The following MTUS1 variants were observed in gnomAD, a reference collection of about 807,000 sequenced individuals.
MTUS1 encodes the protein microtubule-associated tumor suppressor 1.
MTUS1 carries 109 observed loss-of-function variants against 120.8 expected under a neutral mutation model. The ratio of observed to expected loss-of-function variants is 0.90; its 90% CI spans 0.77 to 1.06. The LOEUF is 1.06. MTUS1 is among the 50% of genes least tolerant of loss of function. The pLI is 0.00. For missense variants in MTUS1, 2,210 were observed against 1,486.3 expected, an observed-to-expected ratio of 1.49 and a Z score of -8.01; for synonymous variants, 737 against 550.5, an observed-to-expected ratio of 1.34 and a Z score of -4.74.
chr8:17,753,817 G>C lies in MTUS1; in HGVS notation c.1991C>G (p.Pro664Arg). ...TYVPNIDRIS[P>R]EKKGEKENGT... ...ATTTTCTTTTTCACCCTTCTTTTCA[G>C]GGCTAATCCTATCAATGTTGGGAAC... The change falls in exon 2 of 15, where the codon CCT becomes CGT. Residue 664 changes from proline (P) to arginine (R), a missense_variant. Coordinates refer to ENST00000693296, the MANE Select transcript of MTUS1 (RefSeq NM_001363059.2). 1 of 1,613,908 alleles carries C rather than the reference G, an allele frequency of 6.2e-7. No homozygotes were observed. The highest frequency in any genetic ancestry group is 8.5e-7 in the Non-Finnish European group (1 of 1,179,962).
Position 17,743,640 on chromosome 8 carries a change from C to A in MTUS1, c.2251G>T (p.Val751Leu). ...DNRNPSADRA[V>L]SPQRIRRVSS... ...ACACGCCTGATCCTCTGAGGAGATACGGCTCGATCAGCACTGGGATTTCTA... is the reference window on the plus strand; with the variant it reads ...ACACGCCTGATCCTCTGAGGAGATAAGGCTCGATCAGCACTGGGATTTCTA... Residue 751 changes from valine (V) to leucine (L), a missense_variant, in exon 3 of 15, where the codon GTA (valine) becomes TTA (leucine). Coordinates refer to ENST00000693296, the MANE Select transcript of MTUS1 (RefSeq NM_001363059.2). The A allele has an allele frequency of 5.0e-6, 8 of 1,614,052 alleles. No individual in the cohort carries two copies. The highest frequency in any genetic ancestry group is 6.8e-6 in the Non-Finnish European group (8 of 1,180,002).
At chr8:17,696,181 C>T (rs1817908551) in intron 6 of MTUS1, among the ~76,000 whole-genome samples, 1 of 152,094 alleles carries the variant, frequency 6.6e-6, no homozygotes, top group Non-Finnish European at 1.5e-5. Flanking sequence ...CCCCCATTTA[C>T]CGTCAGCTCA....
intron 6 of MTUS1, among the ~76,000 whole-genome samples, chr8:17,698,870 A>T (rs939558911): frequency 2.8e-4 from 42 of 152,176 alleles, no homozygotes; most frequent in African/African-American, 1.0e-3. Flanking sequence ...CATACATTGC[A>T]CCACAGCAAC....
At chr8:17,782,800 G>A (rs962962587) in intron 1 of MTUS1, among the ~76,000 whole-genome samples, 6 of 152,212 alleles carry the variant, frequency 3.9e-5, no homozygotes, top group African/African-American at 1.4e-4. Context: ...AAACCTGGCC[G>A]GGCATGGTAG....
chr8:17,796,193 C>G (rs117864598), intron 1 of MTUS1, among the ~76,000 whole-genome samples: 4 of 4,610 alleles, frequency 8.7e-4, no homozygotes, highest in Non-Finnish European at 2.0e-3. Flanking sequence ...TGAAGTGATC[C>G]GCTTGGCTTG....
chr8:17,679,310 A>G (rs1006258065), intron 7 of MTUS1, among the ~76,000 whole-genome samples: 8 of 116,478 alleles, frequency 6.9e-5, no homozygotes, highest in African/African-American at 2.0e-4. Flanking sequence ...TATGTATACA[A>G]TGTGTATCTG....
intron 7 of MTUS1, among the ~76,000 whole-genome samples, chr8:17,678,397 A>C (rs750246622): frequency 5.3e-5 from 8 of 151,718 alleles, no homozygotes; most frequent in Non-Finnish European, 1.0e-4. Context: ...GGATATAAAG[A>C]TGCCTTTATG....
At chr8:17,714,778 T>G (rs1222113007) in intron 5 of MTUS1, among the ~76,000 whole-genome samples, 1 of 152,168 alleles carries the variant, frequency 6.6e-6, no homozygotes, top group African/African-American at 2.4e-5. Context: ...TCTTTGTTTC[T>G]GTGTTTTCCA....
chr8:17,702,725 A>G (rs371997), intron 6 of MTUS1, among the ~76,000 whole-genome samples: 90,151 of 152,022 alleles, frequency 0.59, 26,882 homozygotes, highest in Middle Eastern at 0.66. Context: ...TAAAGGCTGC[A>G]TAATACTCCA....
intron 1 of MTUS1, among the ~76,000 whole-genome samples, chr8:17,794,681 T>G (rs753549021): frequency 2.0e-5 from 3 of 152,222 alleles, no homozygotes; most frequent in Non-Finnish European, 2.9e-5. Flanking sequence ...ATTCTGTAAT[T>G]TGATTAACAA....
intron 6 of MTUS1, among the ~76,000 whole-genome samples, chr8:17,686,125 T>C (rs1200760984): frequency 2.0e-5 from 3 of 152,206 alleles, no homozygotes; most frequent in South Asian, 4.1e-4. Context: ...TTTCTTTTCA[T>C]CCTCCCAATA....
chr8:17,749,114 T>TAATTATACTCTCCGAAGGG (rs1049772021), intron 2 of MTUS1, among the ~76,000 whole-genome samples: 3 of 152,088 alleles, frequency 2.0e-5, no homozygotes, highest in African/African-American at 7.2e-5. Flanking sequence ...GAGTCAGACA[T>TAATTATACTCTCCGAAGGG]AATTATACTC....
intron 6 of MTUS1, among the ~76,000 whole-genome samples, chr8:17,712,438 G>T (rs1273890945): frequency 6.6e-6 from 1 of 151,984 alleles, no homozygotes; most frequent in Non-Finnish European, 1.5e-5. Context: ...CCAGGTTCAA[G>T]CAATTATCCT....
intron 6 of MTUS1, among the ~76,000 whole-genome samples, chr8:17,699,163 G>C (rs1017205771): frequency 6.6e-6 from 1 of 152,050 alleles, no homozygotes; most frequent in Non-Finnish European, 1.5e-5. Context: ...CTTTCTTTTG[G>C]TTGTGTTTGT....
At chr8:17,658,209 G>C (rs749769307) in intron 8 of MTUS1, among the ~76,000 whole-genome samples, 2 of 152,016 alleles carry the variant, frequency 1.3e-5, no homozygotes, top group Non-Finnish European at 2.9e-5. Flanking sequence ...GCTAATTTTT[G>C]TATTTTAGTA....
intron 8 of MTUS1, 167 bp downstream of exon 8, chr8:17,675,019 C>T: frequency 7.0e-7 from 1 of 1,419,182 alleles, no homozygotes; most frequent in Non-Finnish European, 9.2e-7. Flanking sequence ...GGTCAAGCTG[C>T]CAAGATTCAA....
At chr8:17,675,808 A>AT (rs1812989768) in intron 7 of MTUS1, among the ~76,000 whole-genome samples, 1 of 152,150 alleles carries the variant, frequency 6.6e-6, no homozygotes, top group South Asian at 2.1e-4. Flanking sequence ...GCTACATACC[A>AT]TTTTCTAAGG....
intron 5 of MTUS1, among the ~76,000 whole-genome samples, 167 bp from the exon 6 acceptor site, chr8:17,713,419 A>AAAT (rs1427581677): frequency 6.6e-6 from 1 of 152,214 alleles, no homozygotes; most frequent in Admixed American, 6.5e-5. Context: ...AGTGCATTTT[A>AAAT]AATATAAGGT....
intron 8 of MTUS1, among the ~76,000 whole-genome samples, chr8:17,671,232 GTTTTC>G (rs986274312): frequency 3.3e-5 from 5 of 149,988 alleles, no homozygotes; most frequent in African/African-American, 1.2e-4. Flanking sequence ...GCTGCCGGCT[GTTTTC>G]TTTTCACTTA....
Sources: gnomAD v4.1 joint callset for allele counts (sites outside exome capture counted in the v4.1 genomes callset) on GRCh38, gnomAD v4.1.1 for gene constraint, MANE v1.5 for transcripts, NCBI Gene and HGNC (gene_info 2026-07-23, HGNC 2026-07-21) for gene names.